SCHIP1: variants seen among roughly 807,000 people sequenced by gnomAD.
SCHIP1 encodes the protein schwannomin-interacting protein 1.
SCHIP1 carries 8 observed loss-of-function variants against 29.7 expected under a neutral mutation model. That is an observed-to-expected ratio of 0.27 (90% CI 0.16 to 0.49). SCHIP1 has a LOEUF of 0.49. Among genes scored for constraint, SCHIP1 ranks in the 20% least tolerant of loss-of-function variants. The pLI is 0.99. For synonymous variants in SCHIP1, 76 were observed against 94.9 expected (o/e 0.80, Z 1.16); for missense variants, 193 against 294.6 (o/e 0.66, Z 2.52).
At chr3:159,778,152 C>A in the SCHIP1 span, among the ~76,000 whole-genome samples, 7 of 152,186 alleles carry the variant, frequency 4.6e-5, no homozygotes, top group South Asian at 1.5e-3. Flanking sequence ...TGCCAGCACG[C>A]CCAGCTAATT....
chr3:159,721,856 C>T, the SCHIP1 span: 2 of 407,656 alleles, frequency 4.9e-6, no homozygotes, highest in East Asian at 7.2e-5. Flanking sequence ...TGAGGTCCAC[C>T]TTGGGGATGC....
the SCHIP1 span, among the ~76,000 whole-genome samples, chr3:159,700,011 G>A: frequency 1.3e-5 from 2 of 152,098 alleles, no homozygotes; most frequent in African/African-American, 4.8e-5. Context: ...TATAATGCCA[G>A]GCCATCTCAT....
the SCHIP1 span, among the ~76,000 whole-genome samples, chr3:159,352,575 G>T: frequency 1.3e-5 from 2 of 151,954 alleles, no homozygotes; most frequent in African/African-American, 4.8e-5. Context: ...GTGTGTGTGC[G>T]TGATGGAATT....
the SCHIP1 span, among the ~76,000 whole-genome samples, chr3:159,663,639 A>G: frequency 1.3e-5 from 2 of 152,250 alleles, no homozygotes; most frequent in Non-Finnish European, 2.9e-5. Flanking sequence ...TGTATGATAC[A>G]TACATACACA....
chr3:159,735,285 A>G, the SCHIP1 span, among the ~76,000 whole-genome samples: 10 of 149,068 alleles, frequency 6.7e-5, no homozygotes, highest in Admixed American at 2.7e-4. Flanking sequence ...GCTGGAGTGC[A>G]GTGGTGTTAT....
chr3:159,834,660 A>G, the SCHIP1 span, among the ~76,000 whole-genome samples: 1 of 152,210 alleles, frequency 6.6e-6, no homozygotes, highest in African/African-American at 2.4e-5. Flanking sequence ...AAATGCTGCA[A>G]AGTCCCAAAT....
the SCHIP1 span, among the ~76,000 whole-genome samples, chr3:159,736,711 T>TA: frequency 1.3e-5 from 2 of 151,394 alleles, no homozygotes; most frequent in Admixed American, 1.3e-4. Flanking sequence ...TCCCCACACC[T>TA]ACCCTTGTAA....
At chr3:159,273,767 A>G in the SCHIP1 span, 3 of 1,604,202 alleles carry the variant, frequency 1.9e-6, no homozygotes, top group East Asian at 2.2e-5. Context: ...TTCAAAGCCA[A>G]TTTGAATAAA....
the SCHIP1 span, among the ~76,000 whole-genome samples, chr3:159,760,631 C>T: frequency 1.3e-5 from 2 of 152,180 alleles, no homozygotes; most frequent in African/African-American, 4.8e-5. Flanking sequence ...TGTTAAGCTC[C>T]TATTCCATTC....
the SCHIP1 span, among the ~76,000 whole-genome samples, chr3:159,389,883 A>C: frequency 6.6e-6 from 1 of 152,048 alleles, no homozygotes; most frequent in Admixed American, 6.6e-5. Flanking sequence ...TTAGAAACAG[A>C]TATTAATGCA....
At chr3:159,811,984 T>G in the SCHIP1 span, among the ~76,000 whole-genome samples, 4 of 151,228 alleles carry the variant, frequency 2.6e-5, no homozygotes, top group South Asian at 4.2e-4. Context: ...GTTTTTGTTT[T>G]TTTTTTTGGC....
the SCHIP1 span, among the ~76,000 whole-genome samples, chr3:159,430,229 G>T: frequency 2.6e-5 from 4 of 152,100 alleles, no homozygotes; most frequent in African/African-American, 9.7e-5. Flanking sequence ...AGCTCTGGTT[G>T]TCTGTATTTA....
chr3:159,490,856 G>A, the SCHIP1 span, among the ~76,000 whole-genome samples: 1 of 151,970 alleles, frequency 6.6e-6, no homozygotes, highest in Non-Finnish European at 1.5e-5. Flanking sequence ...AGAAAGGAAG[G>A]AGAATTGATT....
At chr3:159,274,742 T>C in the SCHIP1 span, 2 of 824,334 alleles carry the variant, frequency 2.4e-6, no homozygotes, top group Non-Finnish European at 2.9e-6. Context: ...ATATTGTCAT[T>C]AAAAAGTAAC....
At chr3:159,843,198 A>G (rs1328218592) in intron 1 of SCHIP1, among the ~76,000 whole-genome samples, 1 of 150,092 alleles carries the variant, frequency 6.7e-6, no homozygotes, top group Non-Finnish European at 1.5e-5. Flanking sequence ...TTTTTACTAG[A>G]GACTGGCTTT....
chr3:159,495,158 T>A, the SCHIP1 span, among the ~76,000 whole-genome samples: 8 of 152,172 alleles, frequency 5.3e-5, no homozygotes, highest in African/African-American at 1.2e-4. Flanking sequence ...TCATACTGAA[T>A]GGGCAAAAAC....
the SCHIP1 span, among the ~76,000 whole-genome samples, chr3:159,619,047 C>T: frequency 4.2e-4 from 64 of 152,274 alleles, 1 homozygote; most frequent in South Asian, 0.013. Flanking sequence ...AGATTTACTT[C>T]GGGGCTGGTA....
the SCHIP1 span, among the ~76,000 whole-genome samples, chr3:159,338,544 A>T: frequency 1.3e-5 from 2 of 152,106 alleles, no homozygotes; most frequent in Non-Finnish European, 2.9e-5. Flanking sequence ...ACGGGAAACC[A>T]TTGGAAGGCC....
the SCHIP1 span, among the ~76,000 whole-genome samples, chr3:159,434,357 A>T: frequency 2.0e-5 from 3 of 152,238 alleles, 1 homozygote; most frequent in East Asian, 5.8e-4. Flanking sequence ...ATCAATTAAG[A>T]TGTCTAAGAC....
Sources: allele counts gnomAD v4.1 joint callset (sites outside exome capture counted in the v4.1 genomes callset), GRCh38; gene constraint gnomAD v4.1.1; transcripts MANE v1.5; gene names NCBI Gene and HGNC (gene_info 2026-07-23, HGNC 2026-07-21).